Variants in VAT1L observed in about 807,000 individuals in gnomAD.
VAT1L encodes vesicle amine transport 1 like.
Under a neutral mutation model 44.1 loss-of-function variants are expected in VAT1L, and 34 were observed. The observed-to-expected ratio is 0.77, with a 90% CI of 0.59 to 1.03. VAT1L has a LOEUF of 1.03. Among genes scored for constraint, VAT1L ranks in the 50% least tolerant of loss-of-function variants. The pLI, the probability that VAT1L is intolerant of heterozygous loss-of-function variation, is 0.00. For synonymous variants in VAT1L, 253 were observed against 202.2 expected (o/e 1.25, Z -2.13); for missense variants, 615 against 538.8 (o/e 1.14, Z -1.40).
At chr16:77,955,727 C>A (rs866018379) in intron 7 of VAT1L, among the ~76,000 whole-genome samples, 65 of 107,526 alleles carry the variant, frequency 6.0e-4, no homozygotes, top group African/African-American at 1.3e-3. Context: ...TATCCCCCCC[C>A]CCAAAAAAAA....
At chr16:77,882,616 G>C (rs2017167053) in intron 6 of VAT1L, among the ~76,000 whole-genome samples, 1 of 152,220 alleles carries the variant, frequency 6.6e-6, no homozygotes, top group Non-Finnish European at 1.5e-5. Context: ...CAGCTAGTAA[G>C]TGACAAAGCT....
At chr16:77,831,976 C>T (rs910815368) in intron 3 of VAT1L, among the ~76,000 whole-genome samples, 11 of 124,742 alleles carry the variant, frequency 8.8e-5, no homozygotes, top group South Asian at 2.8e-4. Flanking sequence ...CCACCATGCC[C>T]GGCTAATTTT....
At chr16:77,819,652 G>C (rs760412231) in intron 2 of VAT1L, among the ~76,000 whole-genome samples, 2 of 152,128 alleles carry the variant, frequency 1.3e-5, no homozygotes, top group Non-Finnish European at 2.9e-5. Flanking sequence ...CAAAGTGCTG[G>C]GATTACAGGC....
chr16:77,916,295 C>G (rs2017551312), intron 7 of VAT1L, among the ~76,000 whole-genome samples: 1 of 152,136 alleles, frequency 6.6e-6, no homozygotes, highest in African/African-American at 2.4e-5. Flanking sequence ...CTCTAGAACT[C>G]TCCCTGCAAC....
intron 7 of VAT1L, chr16:77,892,359 C>A: frequency 2.9e-6 from 1 of 342,498 alleles, no homozygotes; most frequent in Non-Finnish European, 5.7e-6. Context: ...TTCTGAGGCA[C>A]TGAGCACAGT....
chr16:77,838,980 T>C (rs2016671747), intron 3 of VAT1L, among the ~76,000 whole-genome samples: 2 of 152,018 alleles, frequency 1.3e-5, no homozygotes, highest in South Asian at 4.1e-4. Flanking sequence ...CAAACTCAGG[T>C]CTCATCCCAT....
chr16:77,835,837 C>CA (rs2016633385), intron 3 of VAT1L, among the ~76,000 whole-genome samples: 1 of 151,792 alleles, frequency 6.6e-6, no homozygotes, highest in Non-Finnish European at 1.5e-5. Flanking sequence ...CATGCCTTTG[C>CA]ACTCCAGCCT....
At chr16:77,975,224 T>C (rs2018324746) in intron 8 of VAT1L, among the ~76,000 whole-genome samples, 1 of 111,032 alleles carries the variant, frequency 9.0e-6, no homozygotes, top group East Asian at 2.7e-4. Flanking sequence ...TTTTTTTTTT[T>C]TTTTAAAGAC....
In VAT1L at chr16:77,809,498, C is replaced by T. The variant is rs368904696; in HGVS notation, c.234-7423C>T. Among the ~76,000 whole-genome samples, 3 of 152,066 alleles carry T rather than the reference C, an allele frequency of 2.0e-5. No individual in the cohort carries two copies. The East Asian group carries it at 5.8e-4, about 29-fold the overall frequency. Reference sequence around the variant, plus strand: ...TGGGAACAGCTGACATTGGGCTACTCAAGTGGTCCTTTGCAACCCTAACAG... The same window carrying T: ...TGGGAACAGCTGACATTGGGCTACTTAAGTGGTCCTTTGCAACCCTAACAG... On this transcript the variant is annotated intron_variant, in intron 1 of 8. Coordinates refer to ENST00000302536, the MANE Select transcript of VAT1L (RefSeq NM_020927.3).
chr16:77,926,688 T>A (rs777405952), intron 7 of VAT1L, among the ~76,000 whole-genome samples: 2 of 152,168 alleles, frequency 1.3e-5, no homozygotes, highest in Non-Finnish European at 2.9e-5. Context: ...AAAACTAAGG[T>A]TGACTTCACA....
rs148152018 is a variant in VAT1L, at chr16:77,918,997, A to G, written c.1077+34195A>G. Among the ~76,000 whole-genome samples the G allele has an allele frequency of 2.8e-3, 424 of 152,286 alleles. 4 individuals carry two copies. Among genetic ancestry groups the G allele is most frequent in the African/African-American group, 9.8e-3 (409 of 41,566 alleles). On this transcript the variant is annotated intron_variant, in intron 7 of 8. Coordinates refer to ENST00000302536, the MANE Select transcript of VAT1L (RefSeq NM_020927.3). ...CTATCTAGCTTCTTGTTTATTCAAGAGAGTCGTGGCTATGTAAACAGTGCT... is the reference window on the plus strand; with the variant it reads ...CTATCTAGCTTCTTGTTTATTCAAGGGAGTCGTGGCTATGTAAACAGTGCT...
chr16:77,948,475 C>A (rs1304183891), intron 7 of VAT1L, among the ~76,000 whole-genome samples: 1 of 152,162 alleles, frequency 6.6e-6, no homozygotes, highest in African/African-American at 2.4e-5. Flanking sequence ...AGTGCTGGAA[C>A]TGTCGTTATA....
intron 7 of VAT1L, among the ~76,000 whole-genome samples, chr16:77,954,513 T>G (rs1424876658): frequency 2.0e-5 from 3 of 152,080 alleles, no homozygotes; most frequent in Admixed American, 2.0e-4. Context: ...TAATCCCAGC[T>G]ACTCAAGAGG....
chr16:77,880,567 T>C (rs909216878), intron 6 of VAT1L, among the ~76,000 whole-genome samples: 3 of 151,272 alleles, frequency 2.0e-5, no homozygotes, highest in Admixed American at 6.6e-5. Flanking sequence ...GTTGCTTTTT[T>C]TTTTTCTTCG....
At chr16:77,818,957 C>T (rs987190996) in intron 2 of VAT1L, among the ~76,000 whole-genome samples, 6 of 151,984 alleles carry the variant, frequency 3.9e-5, no homozygotes, top group East Asian at 1.9e-4. Flanking sequence ...CACCGGAGGC[C>T]GGGTAATAAA....
rs561964247 is a variant in VAT1L at position 77,823,768 on chromosome 16, C to T, written c.364-1478C>T. Among the ~76,000 whole-genome samples, 3 of 152,240 alleles carry T rather than the reference C, an allele frequency of 2.0e-5. No homozygotes were observed. The South Asian group carries it at 6.2e-4, about 32-fold the overall frequency. On this transcript the variant is annotated intron_variant, in intron 2 of 8. Coordinates refer to ENST00000302536, the MANE Select transcript of VAT1L (RefSeq NM_020927.3). ...GTACAGTGGCTCATGCCTGTAATCC[C>T]AGCATTTTGGGAGGCCAAGGCGGGT...
intron 7 of VAT1L, among the ~76,000 whole-genome samples, chr16:77,929,788 C>T (rs2017707538): frequency 1.3e-5 from 2 of 152,108 alleles, no homozygotes; most frequent in African/African-American, 2.4e-5. Context: ...GCAAACTGTC[C>T]GAGGAGACCC....
intron 7 of VAT1L, among the ~76,000 whole-genome samples, chr16:77,965,431 G>C (rs2018212869): frequency 6.6e-6 from 1 of 152,214 alleles, no homozygotes; most frequent in African/African-American, 2.4e-5. Context: ...GACACCAGAA[G>C]TGTCAGAGAA....
chr16:77,932,713 C>T (rs959599718), intron 7 of VAT1L, among the ~76,000 whole-genome samples: 1 of 152,188 alleles, frequency 6.6e-6, no homozygotes, highest in Non-Finnish European at 1.5e-5. Flanking sequence ...ACCAATTCAG[C>T]AATCCCTGAG....
Sources: allele counts gnomAD v4.1 joint callset (sites outside exome capture counted in the v4.1 genomes callset), GRCh38; gene constraint gnomAD v4.1.1; transcripts MANE v1.5; gene names NCBI Gene and HGNC (gene_info 2026-07-23, HGNC 2026-07-21).